KIAA0040: variants seen among roughly 807,000 people sequenced by gnomAD.
The protein encoded by KIAA0040 is uncharacterized protein KIAA0040.
A neutral mutation model predicts 7.2 loss-of-function variants in KIAA0040; 10 were observed. The observed-to-expected ratio is 1.38, with a 90% CI of 0.85 to 2.34. KIAA0040 has a LOEUF of 2.34. Ranked by LOEUF, KIAA0040 falls within the 30% of genes most tolerant of loss-of-function variation. The pLI is 0.00. For synonymous variants in KIAA0040, 49 were observed against 40.1 expected (o/e 1.22, Z -0.84); for missense variants, 89 against 108.2 (o/e 0.82, Z 0.79).
rs765012045 is a variant in KIAA0040, at chr1:175,161,129, G to T, written c.-116C>A. On this transcript the variant is annotated 5_prime_UTR_variant, in exon 4 of 4. Transcript: ENST00000423313. ...ATTCCTCTTCCAGCTTTGGGTTTGG[G>T]CATGCCACTGGCAGCACCTGAAGAG... 126 of 947,060 alleles carry T rather than the reference G, an allele frequency of 1.3e-4. No homozygotes were observed. The highest frequency in any genetic ancestry group is 1.8e-4 in the Non-Finnish European group (118 of 639,902). 58.7% of individuals were successfully genotyped at this position (947,060 alleles called of 1,614,324 possible).
intron 2 of KIAA0040, among the ~76,000 whole-genome samples, chr1:175,173,561 C>T (rs1050681369): frequency 6.6e-6 from 1 of 152,204 alleles, no homozygotes; most frequent in African/African-American, 2.4e-5. Flanking sequence ...CTAGTCCTCT[C>T]TGAGTCCAGA....
At chr1:175,185,794 G>A (rs1481222696) in intron 1 of KIAA0040, among the ~76,000 whole-genome samples, 2 of 152,118 alleles carry the variant, frequency 1.3e-5, no homozygotes, top group African/African-American at 4.8e-5. Flanking sequence ...CACAGATGTC[G>A]GTCAACGAAT....
chr1:175,169,370 C>G lies in KIAA0040; in HGVS notation c.-309-2633G>C, dbSNP rs1306059087. Among the ~76,000 whole-genome samples the G allele has an allele frequency of 2.0e-5, 3 of 152,140 alleles. No individual in the cohort carries two copies. In the East Asian group the frequency reaches 5.8e-4, roughly 29 times the overall value. On this transcript the variant is annotated intron_variant, in intron 2 of 3. Coordinates refer to ENST00000423313, the MANE Select transcript of KIAA0040 (RefSeq NM_014656.3). ...CACTCACTAGCTGTATCACATTGGG[C>G]AGGTTAACCTCTCTCTCTGGCGCTC... is the stretch of plus-strand genomic sequence containing the variant.
intron 3 of KIAA0040, among the ~76,000 whole-genome samples, chr1:175,165,838 G>C (rs10912900): frequency 8.8e-4 from 134 of 152,362 alleles, no homozygotes; most frequent in African/African-American, 3.0e-3. Context: ...TGACACTGCT[G>C]TTCCTTCCGG....
intron 2 of KIAA0040, among the ~76,000 whole-genome samples, chr1:175,171,251 C>A (rs1676981490): frequency 1.3e-5 from 2 of 152,172 alleles, no homozygotes; most frequent in Admixed American, 1.3e-4. Flanking sequence ...TGGTGATACT[C>A]CTCACTTTGA....
intron 1 of KIAA0040, among the ~76,000 whole-genome samples, chr1:175,184,223 G>A (rs892394613): frequency 6.6e-6 from 1 of 152,144 alleles, no homozygotes; most frequent in Non-Finnish European, 1.5e-5. Context: ...ATAGCCATAC[G>A]CTAGGAGTCT....
chr1:175,158,710 G>A lies in KIAA0040; in HGVS notation c.*2004C>T, dbSNP rs1676397336. 1 of 152,268 alleles carries A rather than the reference G, an allele frequency of 6.6e-6. No homozygotes were observed. Among genetic ancestry groups the A allele is most frequent in the Non-Finnish European group, 1.5e-5 (1 of 68,062 alleles). The allele number at this position is 152,268 out of a possible 1,614,324, so 9.4% of individuals were successfully genotyped here. ...TGTGACAAGGGGATAGAGAACCAGA[G>A]TGCTTCTTTCTCTGGTCAAAGGGGT... On this transcript the variant is annotated 3_prime_UTR_variant, in exon 4 of 4. Coordinates refer to ENST00000423313, the MANE Select transcript of KIAA0040 (RefSeq NM_014656.3).
At chr1:175,162,836 C>T (rs937889769) in intron 3 of KIAA0040, among the ~76,000 whole-genome samples, 26 of 152,280 alleles carry the variant, frequency 1.7e-4, no homozygotes, top group Non-Finnish European at 3.4e-4. Flanking sequence ...ATTTTGCAAG[C>T]GTACAAATTG....
At chr1:175,163,381 C>T (rs1368718503) in intron 3 of KIAA0040, among the ~76,000 whole-genome samples, 2 of 152,196 alleles carry the variant, frequency 1.3e-5, no homozygotes, top group East Asian at 1.9e-4. Flanking sequence ...AAGCATATGG[C>T]TGCCTGAACT....
chr1:175,185,649 A>C (rs1368134986), intron 1 of KIAA0040, among the ~76,000 whole-genome samples: 4 of 152,228 alleles, frequency 2.6e-5, no homozygotes, highest in Non-Finnish European at 5.9e-5. Context: ...AACTCCTCAA[A>C]AAAGGTAAAG....
chr1:175,167,832 C>T (rs1481913676), intron 2 of KIAA0040, among the ~76,000 whole-genome samples: 2 of 151,836 alleles, frequency 1.3e-5, no homozygotes, highest in Non-Finnish European at 2.9e-5. Context: ...CCCAACTTTC[C>T]TTCTTCTAAC....
At chr1:175,191,866 T>C (rs1004538503) in intron 1 of KIAA0040, among the ~76,000 whole-genome samples, 3 of 152,244 alleles carry the variant, frequency 2.0e-5, no homozygotes, top group African/African-American at 7.2e-5. Context: ...CTAAGTAGCA[T>C]GGCATGCTGG....
At chr1:175,187,888 A>G (rs1033524520) in intron 1 of KIAA0040, among the ~76,000 whole-genome samples, 2 of 151,796 alleles carry the variant, frequency 1.3e-5, no homozygotes, top group East Asian at 1.9e-4. Flanking sequence ...TCTTTTTATG[A>G]CTTGCCTGGG....
At chr1:175,187,983 C>T (rs745815739) in intron 1 of KIAA0040, among the ~76,000 whole-genome samples, 1 of 152,126 alleles carries the variant, frequency 6.6e-6, no homozygotes, top group Non-Finnish European at 1.5e-5. Context: ...TAAAATGTAA[C>T]TGAAAAACAT....
Position 175,158,796 on chromosome 1 carries a change from T to C in KIAA0040, c.*1918A>G, listed in dbSNP as rs1238324488. 1 of 152,052 alleles carries C rather than the reference T, an allele frequency of 6.6e-6. No homozygotes were observed. The highest frequency in any genetic ancestry group is 2.4e-5 in the African/African-American group (1 of 41,372). 9.4% of individuals were successfully genotyped at this position (152,052 alleles called of 1,614,324 possible). On this transcript the variant is annotated 3_prime_UTR_variant, in exon 4 of 4. Transcript: ENST00000423313. ...TGGCCATATAGGGTGAGAGGGCAAA[T>C]GTGACTGGCTATAAAATATATGCAG... is the stretch of plus-strand genomic sequence containing the variant.
intron 2 of KIAA0040, among the ~76,000 whole-genome samples, chr1:175,174,505 T>C (rs767650892): frequency 2.0e-5 from 3 of 152,194 alleles, no homozygotes; most frequent in Non-Finnish European, 2.9e-5. Flanking sequence ...ATGAGGTTAT[T>C]ACTCATCCTG....
In KIAA0040 at chr1:175,160,984, A is replaced by G. The variant is rs954339947; in HGVS notation, c.30T>C (p.Ser10=). The G allele has an allele frequency of 3.3e-5, 51 of 1,551,228 alleles. No homozygotes were observed. The highest frequency in any genetic ancestry group is 2.0e-4 in the Admixed American group (10 of 50,976). Residue 10 remains serine (S), a synonymous_variant, in exon 4 of 4, where the codon TCT becomes TCC. Transcript: ENST00000423313. ...GTTTGGTCAAGATGGTGTCCCAGAT[A>G]GAGCTGAAGAAGGCACTGATTCTCT... MERISAFFS[S]IWDTILTKHQ...
At chr1:175,178,160 C>T (rs1406866822) in intron 1 of KIAA0040, among the ~76,000 whole-genome samples, 1 of 152,226 alleles carries the variant, frequency 6.6e-6, no homozygotes, top group Non-Finnish European at 1.5e-5. Context: ...GCTGAGGCTG[C>T]TGCTGGGTAA....
At chr1:175,183,804 G>A (rs546575066) in intron 1 of KIAA0040, among the ~76,000 whole-genome samples, 1 of 152,312 alleles carries the variant, frequency 6.6e-6, no homozygotes, top group East Asian at 1.9e-4. Context: ...AGAGGGGCGG[G>A]GCTTGCAGCT....
Sources: allele counts gnomAD v4.1 joint callset (sites outside exome capture counted in the v4.1 genomes callset), GRCh38; gene constraint gnomAD v4.1.1; transcripts MANE v1.5; gene names NCBI Gene and HGNC (gene_info 2026-07-23, HGNC 2026-07-21).